Variants in CXCL13 observed in about 807,000 individuals in gnomAD.
CXCL13 encodes C-X-C motif chemokine 13.
A neutral mutation model predicts 12.2 loss-of-function variants in CXCL13; 7 were observed. The ratio of observed to expected loss-of-function variants is 0.57; its 90% CI spans 0.33 to 1.07. The LOEUF is 1.07. Ranked by LOEUF, CXCL13 falls within the 50% of genes least tolerant of loss-of-function variation. The pLI is 0.04. For missense variants in CXCL13, 113 were observed against 127.4 expected, an observed-to-expected ratio of 0.89 and a Z score of 0.55; for synonymous variants, 47 against 42.4, an observed-to-expected ratio of 1.11 and a Z score of -0.42.
chr4:77,514,949 T>G (rs1340033130), intron 1 of CXCL13, among the ~76,000 whole-genome samples: 2 of 152,172 alleles, frequency 1.3e-5, no homozygotes, highest in East Asian at 1.9e-4. Flanking sequence ...GGTCTAACGT[T>G]TAAGTCTTTA....
intron 1 of CXCL13, among the ~76,000 whole-genome samples, chr4:77,592,237 A>G (rs568305925): frequency 1.5e-4 from 23 of 152,378 alleles, no homozygotes; most frequent in African/African-American, 5.5e-4. Flanking sequence ...CTTATACACA[A>G]TAGAGTACTA....
chr4:77,590,971 C>G (rs1424400674), intron 1 of CXCL13, among the ~76,000 whole-genome samples: 1 of 152,128 alleles, frequency 6.6e-6, no homozygotes, highest in Non-Finnish European at 1.5e-5. Context: ...GGTCTGCCTC[C>G]TGGGTTCAAG....
At chr4:77,527,164 C>T (rs536711179) in intron 1 of CXCL13, among the ~76,000 whole-genome samples, 10 of 152,192 alleles carry the variant, frequency 6.6e-5, no homozygotes, top group African/African-American at 1.4e-4. Flanking sequence ...ATTAATCATT[C>T]GGAAAGTTCA....
intron 1 of CXCL13, among the ~76,000 whole-genome samples, chr4:77,555,044 A>G (rs1560524736): frequency 2.0e-5 from 3 of 151,906 alleles, no homozygotes; most frequent in Non-Finnish European, 4.4e-5. Context: ...AACAAATTGA[A>G]CCCAAAGTAA....
intron 1 of CXCL13, among the ~76,000 whole-genome samples, chr4:77,519,319 A>G (rs1270390211): frequency 6.6e-6 from 1 of 152,168 alleles, no homozygotes; most frequent in East Asian, 1.9e-4. Flanking sequence ...GTTCTCTTCA[A>G]AGCTCAGATG....
intron 1 of CXCL13, among the ~76,000 whole-genome samples, chr4:77,579,999 G>T (rs1015341967): frequency 6.6e-6 from 1 of 152,128 alleles, no homozygotes; most frequent in Non-Finnish European, 1.5e-5. Flanking sequence ...TCAGACCTTG[G>T]CTGTGTAAAC....
At chr4:77,527,400 G>T (rs1242686927) in intron 1 of CXCL13, among the ~76,000 whole-genome samples, 3 of 152,194 alleles carry the variant, frequency 2.0e-5, no homozygotes, top group Non-Finnish European at 2.9e-5. Context: ...GGGAGGCTGA[G>T]GCGGGTGGAT....
chr4:77,568,313 C>A (rs1034658305), intron 1 of CXCL13, among the ~76,000 whole-genome samples: 2 of 152,150 alleles, frequency 1.3e-5, no homozygotes, highest in Non-Finnish European at 2.9e-5. Context: ...AGCTTGATAG[C>A]CTGTTTGCAG....
At chr4:77,602,612 A>C (rs796520064), upstream of CXCL13, among the ~76,000 whole-genome samples, 2 of 152,202 alleles carry the variant, frequency 1.3e-5, no homozygotes, top group African/African-American at 4.8e-5. Context: ...TGGGTCTGGA[A>C]AGAAAATCTG....
At chr4:77,586,808 A>G (rs542706594) in intron 1 of CXCL13, among the ~76,000 whole-genome samples, 3 of 152,210 alleles carry the variant, frequency 2.0e-5, no homozygotes, top group Non-Finnish European at 4.4e-5. Flanking sequence ...TTGAAGCTCT[A>G]GGGAAATTTT....
intron 1 of CXCL13, among the ~76,000 whole-genome samples, chr4:77,559,070 C>T (rs770397239): frequency 2.6e-5 from 4 of 152,210 alleles, no homozygotes; most frequent in Non-Finnish European, 4.4e-5. Context: ...CCAACTTCAT[C>T]AACTGTGATT....
chr4:77,536,303 C>A (rs543303721), intron 1 of CXCL13, among the ~76,000 whole-genome samples: 9 of 152,198 alleles, frequency 5.9e-5, no homozygotes, highest in African/African-American at 2.2e-4. Flanking sequence ...AAATACCAAT[C>A]ATTTAATCAT....
At chr4:77,515,893 A>G (rs940730134) in intron 1 of CXCL13, among the ~76,000 whole-genome samples, 2 of 152,222 alleles carry the variant, frequency 1.3e-5, no homozygotes, top group African/African-American at 4.8e-5. Context: ...ACCAGTTTTC[A>G]AAGGGAATGC....
chr4:77,564,645 G>A lies in CXCL13; in HGVS notation c.-42-41179G>A, dbSNP rs74655376. ...CTATACCACCAGTGAAGAAAGCTAG[G>A]ACAAAATAAGATTAAATCATTGCCC... On this transcript the variant is annotated intron_variant, in intron 1 of 4. Transcript: ENST00000286758. Among the ~76,000 whole-genome samples the A allele has an allele frequency of 4.5e-3, 682 of 152,260 alleles. 18 individuals carry two copies. The highest frequency in any genetic ancestry group is 0.027 in the East Asian group (141 of 5,190).
chr4:77,560,790 G>A (rs1051209307), intron 1 of CXCL13, among the ~76,000 whole-genome samples: 4 of 152,170 alleles, frequency 2.6e-5, no homozygotes, highest in Admixed American at 2.0e-4. Context: ...ACATTTAGAA[G>A]CAGATTACAT....
At chr4:77,575,750 C>A (rs1175134940) in intron 1 of CXCL13, among the ~76,000 whole-genome samples, 1 of 151,648 alleles carries the variant, frequency 6.6e-6, no homozygotes, top group African/African-American at 2.4e-5. Flanking sequence ...CTACAGAGGG[C>A]CCCTAGAGCA....
At chr4:77,512,857 C>T (rs930018795) in intron 1 of CXCL13, among the ~76,000 whole-genome samples, 1 of 151,976 alleles carries the variant, frequency 6.6e-6, no homozygotes, top group African/African-American at 2.4e-5. Context: ...TATACATGTG[C>T]CGTGTTGGTG....
chr4:77,534,920 A>G (rs1190486881), intron 1 of CXCL13, among the ~76,000 whole-genome samples: 1 of 152,236 alleles, frequency 6.6e-6, no homozygotes, highest in Non-Finnish European at 1.5e-5. Flanking sequence ...CTTTATGGAA[A>G]CAGCAGTAAC....
At chr4:77,517,320 G>T (rs1336311998) in intron 1 of CXCL13, among the ~76,000 whole-genome samples, 1 of 152,132 alleles carries the variant, frequency 6.6e-6, no homozygotes, top group African/African-American at 2.4e-5. Context: ...ATGTCTGTTA[G>T]GTCCACTTGG....
Sources: gnomAD v4.1 joint callset for allele counts (sites outside exome capture counted in the v4.1 genomes callset) on GRCh38, gnomAD v4.1.1 for gene constraint, MANE v1.5 for transcripts, NCBI Gene and HGNC (gene_info 2026-07-23, HGNC 2026-07-21) for gene names.